The following TBC1D32 variants were observed in gnomAD, a reference collection of about 807,000 sequenced individuals.
The protein encoded by TBC1D32 is TBC1 domain family member 32.
TBC1D32 carries 151 observed loss-of-function variants against 170.3 expected under a neutral mutation model. The observed-to-expected ratio is 0.89, with a 90% CI of 0.78 to 1.01. TBC1D32 has a LOEUF of 1.01. Among genes scored for constraint, TBC1D32 ranks in the 50% least tolerant of loss-of-function variants. The pLI is 0.00. For missense variants in TBC1D32, 1,464 were observed against 1,457.1 expected, an observed-to-expected ratio of 1.00 and a Z score of -0.08; for synonymous variants, 498 against 488.0, an observed-to-expected ratio of 1.02 and a Z score of -0.27.
intron 30 of TBC1D32, among the ~76,000 whole-genome samples, chr6:121,100,882 C>T (rs1777969656): frequency 6.7e-6 from 1 of 150,244 alleles, no homozygotes; most frequent in South Asian, 2.2e-4. Context: ...CAAATAGACG[C>T]AATAAAAAAT....
chr6:121,085,993 C>T (rs1413880694), intron 31 of TBC1D32, among the ~76,000 whole-genome samples: 1 of 151,932 alleles, frequency 6.6e-6, no homozygotes, highest in African/African-American at 2.4e-5. Flanking sequence ...GTCTCAGGAG[C>T]TGGAGAAAAA....
intron 12 of TBC1D32, among the ~76,000 whole-genome samples, chr6:121,284,369 A>G (rs1405443274): frequency 6.6e-6 from 1 of 152,138 alleles, no homozygotes; most frequent in Non-Finnish European, 1.5e-5. Flanking sequence ...TCTGTCACAA[A>G]TACTCAAGTC....
chr6:121,087,021 G>T (rs1776331311), intron 31 of TBC1D32, among the ~76,000 whole-genome samples: 1 of 152,120 alleles, frequency 6.6e-6, no homozygotes, highest in Non-Finnish European at 1.5e-5. Context: ...CGGGCCCAAG[G>T]ACTGAGCTCT....
intron 31 of TBC1D32, among the ~76,000 whole-genome samples, chr6:121,085,080 TAA>T (rs1157526986): frequency 6.6e-6 from 1 of 151,356 alleles, no homozygotes; most frequent in Non-Finnish European, 1.5e-5. Flanking sequence ...TAACAAAAGT[TAA>T]AGACTTGCAT....
chr6:121,217,033 T>C (rs1441654513), intron 21 of TBC1D32, among the ~76,000 whole-genome samples: 1 of 152,222 alleles, frequency 6.6e-6, no homozygotes, highest in East Asian at 1.9e-4. Flanking sequence ...ACTTGAAAGA[T>C]GCAGGGATGA....
intron 12 of TBC1D32, among the ~76,000 whole-genome samples, chr6:121,289,604 CA>C (rs1440787991): frequency 6.6e-6 from 1 of 152,182 alleles, no homozygotes; most frequent in East Asian, 1.9e-4. Flanking sequence ...ATCCCATCCC[CA>C]TTAAGCTACC....
At chr6:121,298,886 T>C (rs962708525) in intron 10 of TBC1D32, among the ~76,000 whole-genome samples, 3 of 152,154 alleles carry the variant, frequency 2.0e-5, no homozygotes, top group Admixed American at 2.0e-4. Context: ...TTTTGTGTTT[T>C]TCATTTTGTC....
intron 23 of TBC1D32, among the ~76,000 whole-genome samples, chr6:121,160,534 A>G (rs1247106614): frequency 6.7e-6 from 1 of 149,218 alleles, no homozygotes; most frequent in Non-Finnish European, 1.5e-5. Context: ...CAAATGAAAA[A>G]CCTTCATGAG....
chr6:121,158,278 T>A (rs1360744562), intron 24 of TBC1D32, among the ~76,000 whole-genome samples: 7 of 152,192 alleles, frequency 4.6e-5, no homozygotes, highest in African/African-American at 1.7e-4. Flanking sequence ...CTTGGTCTAT[T>A]CTGCTATTAA....
chr6:121,143,749 T>C (rs1167151912), intron 24 of TBC1D32, among the ~76,000 whole-genome samples: 1 of 152,192 alleles, frequency 6.6e-6, no homozygotes, highest in Non-Finnish European at 1.5e-5. Flanking sequence ...AAGTGCACTA[T>C]TAATGTTTAG....
intron 15 of TBC1D32, among the ~76,000 whole-genome samples, chr6:121,269,739 A>G (rs1303724697): frequency 1.3e-5 from 2 of 152,152 alleles, no homozygotes; most frequent in African/African-American, 4.8e-5. Context: ...CAGGAATTGA[A>G]CTCAGCTCTG....
chr6:121,242,478 T>C (rs1205543936), intron 17 of TBC1D32, 139 bp from the exon 18 acceptor site: 5 of 708,458 alleles, frequency 7.1e-6, no homozygotes, highest in Non-Finnish European at 8.9e-6. Context: ...TCAATAAAGG[T>C]TTAAAATTAA....
intron 29 of TBC1D32, among the ~76,000 whole-genome samples, chr6:121,110,230 G>A (rs1233509725): frequency 2.0e-5 from 3 of 148,692 alleles, no homozygotes; most frequent in Non-Finnish European, 3.0e-5. Flanking sequence ...CAGGCTGGGC[G>A]ACAGAGTGAG....
At chr6:121,283,791 C>T in intron 13 of TBC1D32, 27 bp downstream of exon 13, 2 of 1,483,436 alleles carry the variant, frequency 1.3e-6, no homozygotes, top group Non-Finnish European at 1.9e-6. Context: ...TTTTATATTT[C>T]TCTATTTAAA....
chr6:121,304,480 C>T (rs1164088770), intron 7 of TBC1D32, 42 bp downstream of exon 7: 6 of 1,601,942 alleles, frequency 3.7e-6, no homozygotes. Flanking sequence ...AAATATAAAA[C>T]TAAATAAATA....
chr6:121,193,115 G>A (rs1207757279), intron 22 of TBC1D32, among the ~76,000 whole-genome samples: 4 of 152,186 alleles, frequency 2.6e-5, no homozygotes, highest in Non-Finnish European at 5.9e-5. Context: ...TGGATATTAA[G>A]GGTATGGGAA....
At chr6:121,119,673 A>G (rs1780055276) in intron 26 of TBC1D32, among the ~76,000 whole-genome samples, 1 of 152,174 alleles carries the variant, frequency 6.6e-6, no homozygotes, top group Non-Finnish European at 1.5e-5. Flanking sequence ...TAAGATATGG[A>G]AAGATACCTA....
intron 21 of TBC1D32, among the ~76,000 whole-genome samples, chr6:121,210,617 T>G (rs998793383): frequency 2.6e-5 from 4 of 152,198 alleles, no homozygotes; most frequent in Admixed American, 2.6e-4. Flanking sequence ...AGCACTGCTG[T>G]GAAGGAATTT....
chr6:121,126,569 T>C, intron 25 of TBC1D32, 108 bp from the exon 26 acceptor site: 1 of 746,694 alleles, frequency 1.3e-6, no homozygotes, highest in Non-Finnish European at 2.3e-6. Flanking sequence ...ACTTCACAGA[T>C]ACACTCTAAG....
Sources: gnomAD v4.1 joint callset for allele counts (sites outside exome capture counted in the v4.1 genomes callset) on GRCh38, gnomAD v4.1.1 for gene constraint, MANE v1.5 for transcripts, NCBI Gene and HGNC (gene_info 2026-07-23, HGNC 2026-07-21) for gene names.